The following STYXL2 variants were observed in gnomAD, a reference collection of about 807,000 sequenced individuals.
STYXL2 encodes serine/threonine/tyrosine-interacting-like protein 2.
STYXL2 carries 44 observed loss-of-function variants against 52.4 expected under a neutral mutation model. The ratio of observed to expected loss-of-function variants is 0.84; its 90% confidence interval spans 0.66 to 1.08. STYXL2 has a LOEUF of 1.08. Among genes scored for constraint, STYXL2 ranks in the 50% least tolerant of loss-of-function variants. STYXL2 has a pLI of 0.00. For missense variants in STYXL2, 1,604 were observed against 1,471.7 expected (o/e 1.09, Z -1.47); for synonymous variants, 604 against 586.9 (o/e 1.03, Z -0.42).
chr1:167,108,327 AC>A (rs1031675104), intron 2 of STYXL2, among the ~76,000 whole-genome samples: 1 of 152,066 alleles, frequency 6.6e-6, no homozygotes, highest in African/African-American at 2.4e-5. Flanking sequence ...GCTCACTGCC[AC>A]CCCCACTAGG....
intron 5 of STYXL2, among the ~76,000 whole-genome samples, chr1:167,123,704 G>T (rs1489904162): frequency 6.6e-6 from 1 of 152,136 alleles, no homozygotes; most frequent in Non-Finnish European, 1.5e-5. Flanking sequence ...GCTCACTGTA[G>T]CCTTTGCCTC....
chr1:167,127,184 C>G lies in STYXL2; in HGVS notation c.2053C>G (p.Arg685Gly). The change falls in exon 6 of 6, where the codon CGC becomes GGC. Residue 685 changes from arginine (R) to glycine (G), a missense_variant. Coordinates refer to ENST00000361200, the MANE Select transcript of STYXL2 (RefSeq NM_001080426.3). The part of the protein sequence containing the change: ...TTSVLSTQSH[R>G]SHLSQAASNI... The stretch of plus-strand genomic sequence containing the variant: ...GTCAGTACTGAGCACCCAGAGCCAC[C>G]GCTCCCACCTGTCTCAGGCTGCAAG... 6.2e-7 allele frequency: 1 copy of G among 1,614,094 alleles called. No individual in the cohort carries two copies. The highest frequency in any genetic ancestry group is 8.5e-7 in the Non-Finnish European group (1 of 1,179,976).
intron 3 of STYXL2, 66 bp from the exon 4 acceptor site, chr1:167,117,262 C>T: frequency 7.2e-7 from 1 of 1,396,184 alleles, no homozygotes; most frequent in Non-Finnish European, 9.9e-7. Context: ...AGCATGTTCT[C>T]CCCAGGAACA....
At position 167,119,581 on chromosome 1, in the gene STYXL2, G is replaced by A. The variant is rs909486774; in HGVS notation, c.655+115G>A. 4.7e-6 allele frequency: 4 copies of A among 847,868 alleles called. No homozygotes were observed. The South Asian group carries it at 5.1e-5, about 11-fold the overall frequency. The allele number at this position is 847,868 out of a possible 1,614,324, so 52.5% of individuals were successfully genotyped here. A position where few individuals can be genotyped will look rare whatever the true frequency, so the allele number is the denominator to read the frequency against. ...TGTGAGGGGTATCTGTCTTAAGAAG[G>A]CTGTTTTCTCTAAGAAAAGGAGAAA... On this transcript the variant is annotated intron_variant, in intron 5 of 5. Transcript: ENST00000361200.
At position 167,126,173 on chromosome 1, in the gene STYXL2, G is replaced by A; in HGVS notation, c.1042G>A (p.Glu348Lys). ...CACCCTCATAGACGAGGAGGAGGAG[G>A]AGAAACTGTACGAGCAGTGGAAGAA... ...PLTLIDEEEE[E>K]KLYEQWKKGQ... The change falls in exon 6 of 6, where the codon GAG (glutamate) becomes AAG (lysine). Residue 348 changes from glutamate (E) to lysine (K), a missense_variant. Physicochemically the swap from Glu to Lys is moderately conservative, Grantham distance 56 (BLOSUM62 1). Coordinates refer to ENST00000361200, the MANE Select transcript of STYXL2 (RefSeq NM_001080426.3). 6.6e-7 allele frequency: 1 copy of A among 1,516,014 alleles called. No individual in the cohort carries two copies. Among genetic ancestry groups the A allele is most frequent in the Non-Finnish European group, 8.8e-7 (1 of 1,134,844 alleles). The allele number at this position is 1,516,014 out of a possible 1,614,324, so 93.9% of individuals were successfully genotyped here.
Position 167,126,355 on chromosome 1 carries a change from C to T in STYXL2, c.1224C>T (p.Tyr408=). ...SRNERYQAEG[Y]RRWGREEEKE... Reference sequence around the variant, plus strand: ...ACGAGAGGTACCAAGCAGAAGGGTACCGGAGGTGGGGAAGGGAGGAGGAGA... The same window carrying T: ...ACGAGAGGTACCAAGCAGAAGGGTATCGGAGGTGGGGAAGGGAGGAGGAGA... Residue 408 remains tyrosine (Y), a synonymous_variant, in exon 6 of 6, where the codon TAC becomes TAT. Transcript: ENST00000361200. 2 of 1,540,614 alleles carry T rather than the reference C, an allele frequency of 1.3e-6. No homozygotes were observed. The highest frequency in any genetic ancestry group is 1.8e-6 in the Non-Finnish European group (2 of 1,142,050).
intron 5 of STYXL2, among the ~76,000 whole-genome samples, chr1:167,120,780 C>G (rs1205321904): frequency 2.7e-4 from 37 of 135,742 alleles, no homozygotes; most frequent in Non-Finnish European, 5.7e-4. Context: ...CCATGCCTGG[C>G]CAAATACACA....
In STYXL2 at chr1:167,126,256, C is replaced by A; in HGVS notation, c.1125C>A (p.Ala375=). The A allele has an allele frequency of 6.5e-7, 1 of 1,541,640 alleles. No individual in the cohort carries two copies. The highest frequency in any genetic ancestry group is 8.7e-7 in the Non-Finnish European group (1 of 1,147,246). The part of the protein sequence containing the change: ...VPQDGGGWRS[A]SSGQGGEELE... Reference sequence around the variant, plus strand: ...AGGATGGAGGTGGCTGGCGCTCAGCCTCCTCTGGCCAGGGTGGGGAGGAGC... The same window carrying A: ...AGGATGGAGGTGGCTGGCGCTCAGCATCCTCTGGCCAGGGTGGGGAGGAGC... The change falls in exon 6 of 6, where the codon GCC becomes GCA. Residue 375 remains alanine (A), a synonymous_variant. Transcript: ENST00000361200.
At chr1:167,094,690 A>G (rs562303207) in intron 1 of STYXL2, 144 bp from the exon 2 acceptor site, 4 of 622,460 alleles carry the variant, frequency 6.4e-6, no homozygotes, top group Non-Finnish European at 8.7e-6. Flanking sequence ...GCCAGGTCTG[A>G]CTGGATATTC....
chr1:167,104,062 T>C (rs1353560911), intron 2 of STYXL2, among the ~76,000 whole-genome samples: 1 of 151,762 alleles, frequency 6.6e-6, no homozygotes, highest in African/African-American at 2.4e-5. Flanking sequence ...GAGCTTGCAG[T>C]GAGCCGAGAT....
At chr1:167,106,387 C>A (rs554399969) in intron 2 of STYXL2, among the ~76,000 whole-genome samples, 1 of 152,206 alleles carries the variant, frequency 6.6e-6, no homozygotes, top group South Asian at 2.1e-4. Flanking sequence ...ACAAAGAAAA[C>A]GGACCAAGTA....
At chr1:167,111,893 TA>T (rs550762834) in intron 2 of STYXL2, among the ~76,000 whole-genome samples, 1 of 151,956 alleles carries the variant, frequency 6.6e-6, no homozygotes. Context: ...TACTGAAATA[TA>T]AAAAAATGAG....
At chr1:167,096,368 G>A (rs554121492) in intron 2 of STYXL2, among the ~76,000 whole-genome samples, 26 of 152,186 alleles carry the variant, frequency 1.7e-4, no homozygotes, top group Non-Finnish European at 3.2e-4. Flanking sequence ...TAAGGCAGAG[G>A]TCGCTTCGTG....
rs1558028153 is a variant in STYXL2, at chr1:167,127,084, C to T, written c.1953C>T (p.Ser651=). 3 of 1,613,456 alleles carry T rather than the reference C, an allele frequency of 1.9e-6. No individual in the cohort carries two copies. Among genetic ancestry groups the T allele is most frequent in the Non-Finnish European group, 2.5e-6 (3 of 1,179,680 alleles). ...QSMASWEADS[S]TASGSIPLSA... is the part of the protein sequence containing the mutation. ...TGGCAAGCTGGGAGGCGGACAGCTC[C>T]ACGGCCAGCGGGAGCATTCCCCTGT... The change falls in exon 6 of 6, where the codon TCC becomes TCT. Residue 651 remains serine, a synonymous_variant. Coordinates refer to ENST00000361200, the MANE Select transcript of STYXL2 (RefSeq NM_001080426.3).
At chr1:167,094,710 CT>C in intron 1 of STYXL2, 123 bp from the exon 2 acceptor site, 2 of 667,662 alleles carry the variant, frequency 3.0e-6, no homozygotes, top group Non-Finnish European at 5.3e-6. Flanking sequence ...CCTTGCTGGT[CT>C]TTTGCCCACC....
rs1667551923 is a variant in STYXL2 at position 167,108,508 on chromosome 1, G to A, written c.111-5202G>A. Reference sequence around the variant, plus strand: ...CACAGAAAATGCTTGGTGCTAGAATGGAAATGAGCCAACACAACCGCTATC... The same window carrying A: ...CACAGAAAATGCTTGGTGCTAGAATAGAAATGAGCCAACACAACCGCTATC... On this transcript the variant is annotated intron_variant, in intron 2 of 5. Transcript: ENST00000361200. 1.3e-5 allele frequency among the ~76,000 whole-genome samples: 2 copies of A among 152,170 alleles called. 1 individual carries two copies. Among genetic ancestry groups the A allele is most frequent in the South Asian group, 4.1e-4 (2 of 4,832 alleles).
intron 2 of STYXL2, among the ~76,000 whole-genome samples, chr1:167,098,077 T>C (rs1254772800): frequency 6.8e-6 from 1 of 146,496 alleles, no homozygotes; most frequent in Non-Finnish European, 1.5e-5. Context: ...AGTGGCGTGA[T>C]CTTGGCTCAC....
At position 167,127,057 on chromosome 1, in the gene STYXL2, T is replaced by C. The variant is rs1459660174; in HGVS notation, c.1926T>C (p.Ser642=). 5 of 1,611,778 alleles carry C rather than the reference T, an allele frequency of 3.1e-6. No homozygotes were observed. Among genetic ancestry groups the C allele is most frequent in the Non-Finnish European group, 4.2e-6 (5 of 1,178,570 alleles). ...GGCAGACGCTGGAGGAGAGCCAGTC[T>C]ATGGCAAGCTGGGAGGCGGACAGCT... ...RSRQTLEESQ[S]MASWEADSST... The change falls in exon 6 of 6, where the codon TCT becomes TCC. Residue 642 remains serine (S), a synonymous_variant. Coordinates refer to ENST00000361200, the MANE Select transcript of STYXL2 (RefSeq NM_001080426.3).
chr1:167,127,219 G>C lies in STYXL2; in HGVS notation c.2088G>C (p.Ala696=). Residue 696 remains alanine, a synonymous_variant, in exon 6 of 6, where the codon GCG becomes GCC. Transcript: ENST00000361200. Reference sequence around the variant, plus strand: ...TGTCTCAGGCTGCAAGCAACATAGCGGGGTGTTCAACCTCCAACCCCACCA... The same window carrying C: ...TGTCTCAGGCTGCAAGCAACATAGCCGGGTGTTCAACCTCCAACCCCACCA... ...SHLSQAASNI[A]GCSTSNPTTP... is the part of the protein sequence containing the mutation. The C allele has an allele frequency of 6.2e-7, 1 of 1,614,122 alleles. No individual in the cohort carries two copies. Among genetic ancestry groups the C allele is most frequent in the Non-Finnish European group, 8.5e-7 (1 of 1,179,994 alleles).
Sources: gnomAD v4.1 joint callset for allele counts (sites outside exome capture counted in the v4.1 genomes callset) on GRCh38, gnomAD v4.1.1 for gene constraint, MANE v1.5 for transcripts, NCBI Gene and HGNC (gene_info 2026-07-23, HGNC 2026-07-21) for gene names.